Variants in PLXNA4 observed in about 807,000 individuals in gnomAD.
PLXNA4 encodes the protein plexin-A4.
Under a neutral mutation model 191.8 loss-of-function variants are expected in PLXNA4, and 44 were observed. The ratio of observed to expected loss-of-function variants is 0.23; its 90% CI spans 0.18 to 0.29. The LOEUF (loss-of-function observed/expected upper bound fraction) is 0.29, where lower values mean the gene tolerates loss of function less well. PLXNA4 is among the 10% of genes least tolerant of loss of function. The probability of loss-of-function intolerance (pLI) is 1.00; values close to 1 mark genes in which losing one functional copy is unlikely to be tolerated. For synonymous variants in PLXNA4, 1,082 were observed against 1,009.5 expected (o/e 1.07, Z -1.36); for missense variants, 1,800 against 2,488.8 (o/e 0.72, Z 5.89).
chr7:132,249,727 G>T (rs1370873178), intron 4 of PLXNA4, among the ~76,000 whole-genome samples: 1 of 152,256 alleles, frequency 6.6e-6, no homozygotes, highest in East Asian at 1.9e-4. Context: ...CTGCCCTCGG[G>T]CCTGCCAGAC....
chr7:132,572,487 C>G (rs918714470), intron 1 of PLXNA4, among the ~76,000 whole-genome samples: 6 of 152,316 alleles, frequency 3.9e-5, no homozygotes, highest in Admixed American at 2.0e-4. Context: ...GGGGCATACA[C>G]AGACTCACAT....
At chr7:132,469,980 C>G (rs1051249134) in intron 3 of PLXNA4, among the ~76,000 whole-genome samples, 1 of 152,212 alleles carries the variant, frequency 6.6e-6, no homozygotes, top group Non-Finnish European at 1.5e-5. Context: ...TGTATACTGT[C>G]GGGTTCAGTG....
In PLXNA4 at chr7:132,484,516, C is replaced by T. The variant is rs536680670; in HGVS notation, c.1371+4776G>A. On this transcript the variant is annotated intron_variant, in intron 3 of 31. Coordinates refer to ENST00000321063, the MANE Select transcript of PLXNA4 (RefSeq NM_020911.2). ...CAATATAGCAAATAGAGGGTCTTTT[C>T]CTGTCATGGAAATCGGTCAGCCCTG... Among the ~76,000 whole-genome samples, 8 of 152,336 alleles carry T rather than the reference C, an allele frequency of 5.3e-5. No homozygotes were observed. In the South Asian group the frequency reaches 1.7e-3, roughly 32 times the overall value.
chr7:132,524,232 A>G (rs992238043), intron 1 of PLXNA4, among the ~76,000 whole-genome samples: 3 of 152,218 alleles, frequency 2.0e-5, no homozygotes, highest in Non-Finnish European at 4.4e-5. Flanking sequence ...CGGGATGTCA[A>G]TGAAAGAATT....
chr7:132,474,344 G>A (rs951036111), intron 3 of PLXNA4, among the ~76,000 whole-genome samples: 6 of 151,908 alleles, frequency 3.9e-5, no homozygotes, highest in African/African-American at 1.5e-4. Context: ...TAGAGGCAAC[G>A]TGAGATTTTT....
At chr7:132,444,139 G>A (rs1563102018) in intron 3 of PLXNA4, among the ~76,000 whole-genome samples, 1 of 152,228 alleles carries the variant, frequency 6.6e-6, no homozygotes. Flanking sequence ...CCTTTGTCTT[G>A]AAACTCTAGT....
intron 1 of PLXNA4, among the ~76,000 whole-genome samples, chr7:132,549,909 A>G (rs776658836): frequency 2.0e-5 from 3 of 152,144 alleles, no homozygotes; most frequent in Non-Finnish European, 4.4e-5. Flanking sequence ...CATTAGGTAG[A>G]GAGAGGTAGA....
intron 21 of PLXNA4, among the ~76,000 whole-genome samples, chr7:132,169,086 C>A (rs1044681316): frequency 6.6e-6 from 1 of 152,216 alleles, no homozygotes; most frequent in Non-Finnish European, 1.5e-5. Flanking sequence ...GATTCTGATA[C>A]CACCTTGCTG....
chr7:132,480,398 C>T (rs1378082076), intron 3 of PLXNA4, among the ~76,000 whole-genome samples: 1 of 152,198 alleles, frequency 6.6e-6, no homozygotes, highest in East Asian at 1.9e-4. Context: ...TTCCAGAGCA[C>T]TTGCAAAGCA....
chr7:132,203,318 C>T lies in PLXNA4; in HGVS notation c.2395+5G>A. The T allele has an allele frequency of 1.2e-6, 2 of 1,607,464 alleles. No individual in the cohort carries two copies. Among genetic ancestry groups the T allele is most frequent in the Non-Finnish European group, 8.5e-7 (1 of 1,174,168 alleles). The stretch of plus-strand genomic sequence containing the variant: ...CTCCCCTGCTAGGCCCCAGCCCTTC[C>T]ACACCTTTATTCTGAGCTGGGTTGT... On this transcript the variant is annotated splice_donor_5th_base_variant and intron_variant, in intron 11 of 31. Transcript: ENST00000321063.
At chr7:132,278,895 G>A (rs1354408210) in intron 4 of PLXNA4, among the ~76,000 whole-genome samples, 1 of 152,184 alleles carries the variant, frequency 6.6e-6, no homozygotes, top group Non-Finnish European at 1.5e-5. Context: ...TAGCTCCCAA[G>A]GAGAGAAAAG....
intron 20 of PLXNA4, among the ~76,000 whole-genome samples, chr7:132,178,000 C>T (rs1233156816): frequency 6.6e-6 from 1 of 152,200 alleles, no homozygotes; most frequent in African/African-American, 2.4e-5. Context: ...AGCTCAGATC[C>T]TCCCAGGATG....
rs375932071 is a variant in PLXNA4 at position 132,342,650 on chromosome 7, A to G, written c.1372-44428T>C. 1.4e-4 allele frequency among the ~76,000 whole-genome samples: 21 copies of G among 152,250 alleles called. 1 individual carries two copies. Among genetic ancestry groups the G allele is most frequent in the African/African-American group, 5.1e-4 (21 of 41,540 alleles). On this transcript the variant is annotated intron_variant, in intron 3 of 31. Transcript: ENST00000321063. ...TGGGCCACTATATGTTTTCCCTCAG[A>G]AGATATTTACACGAGGCCAGGCATG...
intron 4 of PLXNA4, among the ~76,000 whole-genome samples, chr7:132,295,116 C>T (rs2116483795): frequency 6.6e-6 from 1 of 152,306 alleles, no homozygotes; most frequent in Admixed American, 6.5e-5. Flanking sequence ...TAAACTGAAG[C>T]AATAGGTTAT....
At chr7:132,568,066 C>A (rs544807705) in intron 1 of PLXNA4, among the ~76,000 whole-genome samples, 2 of 152,286 alleles carry the variant, frequency 1.3e-5, no homozygotes, top group South Asian at 4.1e-4. Flanking sequence ...CCCTAAAGGG[C>A]CTTCAAAGCA....
At chr7:132,272,229 C>CA (rs772538574) in intron 4 of PLXNA4, among the ~76,000 whole-genome samples, 9 of 152,218 alleles carry the variant, frequency 5.9e-5, no homozygotes, top group Non-Finnish European at 1.0e-4. Context: ...TTAACCTCCT[C>CA]AATATCTCTT....
chr7:132,386,307 T>A (rs1247025736), intron 3 of PLXNA4, among the ~76,000 whole-genome samples: 1 of 152,180 alleles, frequency 6.6e-6, no homozygotes, highest in African/African-American at 2.4e-5. Flanking sequence ...CCGGGCTGTG[T>A]TTGCATCTCT....
rs764802046 is a variant in PLXNA4 at position 132,198,629 on chromosome 7, G to A, written c.2594C>T (p.Pro865Leu). Residue 865 changes from proline (P) to leucine (L), a missense_variant, in exon 13 of 32, where the codon CCG becomes CTG. Physicochemically the swap from Pro to Leu is moderately conservative, Grantham distance 98. Coordinates refer to ENST00000321063, the MANE Select transcript of PLXNA4 (RefSeq NM_020911.2). ...GCCCCCTTCCCGGGGGCCTGTCACC[G>A]GGATTATCTGGAGGGAGGAAGAGAA... Reference protein sequence around the residue: ...CTNPRITEIIPVTGPREGGTK... With the variant: ...CTNPRITEIILVTGPREGGTK... 1.9e-6 allele frequency: 3 copies of A among 1,613,946 alleles called. No individual in the cohort carries two copies. The highest frequency in any genetic ancestry group is 1.7e-6 in the Non-Finnish European group (2 of 1,180,022).
intron 9 of PLXNA4, among the ~76,000 whole-genome samples, chr7:132,219,609 G>A (rs776306557): frequency 1.3e-5 from 2 of 152,112 alleles, no homozygotes; most frequent in African/African-American, 2.4e-5. Context: ...GTGGTGACAG[G>A]ACATAGGTGT....
Sources: gnomAD v4.1 joint callset for allele counts (sites outside exome capture counted in the v4.1 genomes callset) on GRCh38, gnomAD v4.1.1 for gene constraint, MANE v1.5 for transcripts, NCBI Gene and HGNC (gene_info 2026-07-23, HGNC 2026-07-21) for gene names.